The following KANK1 variants were observed in gnomAD, a reference collection of about 807,000 sequenced individuals.
KANK1 encodes KN motif and ankyrin repeat domain-containing protein 1.
Under a neutral mutation model 106.2 loss-of-function variants are expected in KANK1, and 109 were observed. That is an observed-to-expected ratio of 1.03 (90% confidence interval 0.88 to 1.20). The LOEUF is 1.20. KANK1 is among the 50% of genes most tolerant of loss of function. KANK1 has a pLI of 0.00. For missense variants in KANK1, 2,399 were observed against 1,710.7 expected, an observed-to-expected ratio of 1.40 and a Z score of -7.10; for synonymous variants, 873 against 652.2, an observed-to-expected ratio of 1.34 and a Z score of -5.16.
chr9:688,101 T>G (rs1818976255), intron 2 of KANK1, among the ~76,000 whole-genome samples: 1 of 152,216 alleles, frequency 6.6e-6, no homozygotes, highest in South Asian at 2.1e-4. Context: ...CAATCTGATG[T>G]GCTATATTCT....
intron 2 of KANK1, among the ~76,000 whole-genome samples, chr9:701,560 C>G (rs1427410472): frequency 2.6e-5 from 4 of 152,156 alleles, no homozygotes; most frequent in Non-Finnish European, 5.9e-5. Context: ...TTGTGCATGG[C>G]AAAATGTGTG....
intron 1 of KANK1, chr9:540,638 G>T (rs781664768): frequency 6.6e-6 from 1 of 152,178 alleles, no homozygotes; most frequent in Non-Finnish European, 1.5e-5. Context: ...CAGTGAAGCC[G>T]TGACATCCTG....
At chr9:693,422 G>C in intron 2 of KANK1, 2 of 985,398 alleles carry the variant, frequency 2.0e-6, no homozygotes, top group African/African-American at 1.7e-5. Context: ...TTTCTTCCTA[G>C]AATTAACAGG....
rs1455696103 is a variant in KANK1 at position 592,673 on chromosome 9, C to T, written c.-83-84217C>T. 2.0e-5 allele frequency among the ~76,000 whole-genome samples: 3 copies of T among 151,862 alleles called. No individual in the cohort carries two copies. The East Asian group carries it at 5.8e-4, about 29-fold the overall frequency. On this transcript the variant is annotated intron_variant, in intron 1 of 11. Transcript: ENST00000382297. Reference sequence around the variant, plus strand: ...ATTGTAGTTTTATGGTTTCATCTCACATTTTAAAATATTTTATCTGTATGA... The same window carrying T: ...ATTGTAGTTTTATGGTTTCATCTCATATTTTAAAATATTTTATCTGTATGA...
At chr9:735,281 A>G (rs542979022) in intron 7 of KANK1, among the ~76,000 whole-genome samples, 42 of 152,148 alleles carry the variant, frequency 2.8e-4, no homozygotes, top group Non-Finnish European at 5.0e-4. Context: ...ACTGTATGTT[A>G]TGCTCTGATG....
At chr9:698,032 G>C (rs1023561987) in intron 2 of KANK1, among the ~76,000 whole-genome samples, 1 of 152,170 alleles carries the variant, frequency 6.6e-6, no homozygotes, top group African/African-American at 2.4e-5. Flanking sequence ...ACCATCTGGT[G>C]GGTGGAAGTT....
chr9:650,424 C>A (rs1010445331), intron 1 of KANK1, among the ~76,000 whole-genome samples: 9 of 152,190 alleles, frequency 5.9e-5, no homozygotes, highest in African/African-American at 2.2e-4. Context: ...CAGTGCTTCT[C>A]ACACTTTAAT....
chr9:633,763 C>G (rs1237283982), intron 1 of KANK1, among the ~76,000 whole-genome samples: 1 of 152,166 alleles, frequency 6.6e-6, no homozygotes, highest in Non-Finnish European at 1.5e-5. Flanking sequence ...AAGGGTGTTC[C>G]TGCCTTAGCC....
chr9:556,530 G>C (rs572809124), intron 1 of KANK1, among the ~76,000 whole-genome samples: 3 of 152,152 alleles, frequency 2.0e-5, no homozygotes, highest in African/African-American at 7.2e-5. Context: ...TAAAATTTGA[G>C]GAATTAGATA....
chr9:579,159 A>G (rs1821360374), intron 1 of KANK1, among the ~76,000 whole-genome samples: 1 of 152,088 alleles, frequency 6.6e-6, no homozygotes, highest in Non-Finnish European at 1.5e-5. Context: ...CTGGGGAGGT[A>G]TTCAGTTGAG....
intron 1 of KANK1, among the ~76,000 whole-genome samples, chr9:650,765 A>T (rs1840708261): frequency 6.6e-6 from 1 of 152,144 alleles, no homozygotes; most frequent in South Asian, 2.1e-4. Flanking sequence ...TCCCTAACAG[A>T]GGCCCAATGT....
chr9:662,465 G>A (rs1185922832), intron 1 of KANK1, among the ~76,000 whole-genome samples: 2 of 152,076 alleles, frequency 1.3e-5, no homozygotes, highest in Non-Finnish European at 2.9e-5. Flanking sequence ...CATGGTACTG[G>A]TACCAAAACA....
intron 1 of KANK1, among the ~76,000 whole-genome samples, chr9:674,586 C>G (rs1243424440): frequency 6.6e-6 from 1 of 152,142 alleles, no homozygotes; most frequent in Non-Finnish European, 1.5e-5. Flanking sequence ...ACTTATATTT[C>G]TGACCCCTTA....
intron 1 of KANK1, among the ~76,000 whole-genome samples, chr9:562,547 G>T (rs1225468466): frequency 6.6e-6 from 1 of 152,168 alleles, no homozygotes; most frequent in Non-Finnish European, 1.5e-5. Context: ...TCAGCAAAGG[G>T]GATTCCAGCT....
intron 1 of KANK1, among the ~76,000 whole-genome samples, chr9:612,639 T>G (rs1830842201): frequency 6.6e-6 from 1 of 152,112 alleles, no homozygotes; most frequent in Non-Finnish European, 1.5e-5. Context: ...ACAGAAACAA[T>G]GAGACAGGAT....
At chr9:710,713 C>T in intron 2 of KANK1, 91 bp from the exon 3 acceptor site, 1 of 1,200,362 alleles carries the variant, frequency 8.3e-7, no homozygotes, top group East Asian at 2.5e-5. Flanking sequence ...TAAAATCATA[C>T]CAGCTTGCTG....
At chr9:483,519 A>G (rs577023254) in intron 3 of KANK1, among the ~76,000 whole-genome samples, 164 of 152,260 alleles carry the variant, frequency 1.1e-3, no homozygotes, top group Non-Finnish European at 1.7e-3. Context: ...CACACCTATG[A>G]GTCTTAGTTT....
At chr9:500,489 T>C (rs1359884920), upstream of KANK1, among the ~76,000 whole-genome samples, 1 of 152,214 alleles carries the variant, frequency 6.6e-6, no homozygotes, top group Non-Finnish European at 1.5e-5. Context: ...AGGTCTCTGC[T>C]GGCCCTATGC....
intron 3 of KANK1, among the ~76,000 whole-genome samples, chr9:724,080 G>A (rs1386709701): frequency 6.6e-6 from 1 of 152,052 alleles, no homozygotes; most frequent in African/African-American, 2.4e-5. Context: ...CAGCCTGGGT[G>A]ACAGAGTGAG....
Sources: gnomAD v4.1 joint callset for allele counts (sites outside exome capture counted in the v4.1 genomes callset) on GRCh38, gnomAD v4.1.1 for gene constraint, MANE v1.5 for transcripts, NCBI Gene and HGNC (gene_info 2026-07-23, HGNC 2026-07-21) for gene names.